ANKRD44: variants seen among roughly 807,000 people sequenced by gnomAD.
ANKRD44 encodes ankyrin repeat domain 44, also known as serine/threonine-protein phosphatase 6 regulatory ankyrin repeat subunit B.
In ANKRD44, 35 loss-of-function variants were observed where a neutral mutation model predicts 116.0. That is an observed-to-expected ratio of 0.30 (90% CI 0.23 to 0.40). The LOEUF (loss-of-function observed/expected upper bound fraction) is 0.40, where lower values mean the gene tolerates loss of function less well. Among genes scored for constraint, ANKRD44 ranks in the 10% least tolerant of loss-of-function variants. The pLI is 1.00. For synonymous variants in ANKRD44, 435 were observed against 461.8 expected, an observed-to-expected ratio of 0.94 and a Z score of 0.74; for missense variants, 1,014 against 1,242.6, an observed-to-expected ratio of 0.82 and a Z score of 2.77.
intron 17 of ANKRD44, among the ~76,000 whole-genome samples, chr2:197,021,348 T>C (rs946179610): frequency 2.0e-5 from 3 of 152,230 alleles, no homozygotes; most frequent in African/African-American, 7.2e-5. Flanking sequence ...ATGGTATTTC[T>C]AGTTCTAGAT....
chr2:197,202,601 C>T (rs1446301817), intron 1 of ANKRD44, among the ~76,000 whole-genome samples: 2 of 151,310 alleles, frequency 1.3e-5, no homozygotes, highest in Non-Finnish European at 2.9e-5. Flanking sequence ...AAGATAGGGT[C>T]TTGCTCTGTC....
intron 2 of ANKRD44, among the ~76,000 whole-genome samples, chr2:197,161,057 C>T (rs77806488): frequency 0.04 from 6,095 of 152,222 alleles, 149 homozygotes; most frequent in Middle Eastern, 0.075. Context: ...TTCTTCTATG[C>T]CCTTTCTAAA....
intron 16 of ANKRD44, among the ~76,000 whole-genome samples, chr2:197,034,050 T>TAGAGACAGAGAG (rs2076759652): frequency 9.0e-6 from 1 of 110,578 alleles, no homozygotes; most frequent in African/African-American, 3.5e-5. Context: ...ATATGAGGGC[T>TAGAGACAGAGAG]AGAGAGAGAG....
chr2:197,155,209 T>C (rs1351087749), intron 2 of ANKRD44, among the ~76,000 whole-genome samples: 1 of 152,200 alleles, frequency 6.6e-6, no homozygotes, highest in Non-Finnish European at 1.5e-5. Flanking sequence ...AACAATACTG[T>C]GAAGTAAATA....
intron 16 of ANKRD44, among the ~76,000 whole-genome samples, chr2:197,069,562 A>C (rs1262648434): frequency 6.6e-6 from 1 of 152,164 alleles, no homozygotes; most frequent in African/African-American, 2.4e-5. Flanking sequence ...CATTGTGCCT[A>C]TCACTCTGCC....
At chr2:197,047,071 TG>T (rs2077015701) in intron 16 of ANKRD44, among the ~76,000 whole-genome samples, 1 of 151,646 alleles carries the variant, frequency 6.6e-6, no homozygotes, top group South Asian at 2.1e-4. Flanking sequence ...CACGCTAGAG[TG>T]CAATGGCGCA....
intron 21 of ANKRD44, among the ~76,000 whole-genome samples, chr2:196,978,899 T>A (rs548354082): frequency 0.014 from 1,935 of 142,044 alleles, 18 homozygotes; most frequent in South Asian, 0.042. Context: ...GATATTGTTT[T>A]AAAAAAAAAA....
intron 10 of ANKRD44, among the ~76,000 whole-genome samples, chr2:197,090,355 T>G (rs1364428321): frequency 6.6e-6 from 1 of 152,216 alleles, no homozygotes. Flanking sequence ...GCTTGGTGAT[T>G]GTATGTCTCA....
chr2:197,274,120 A>ATGAT (rs1286336194), intron 1 of ANKRD44, among the ~76,000 whole-genome samples: 1 of 150,768 alleles, frequency 6.6e-6, no homozygotes, highest in Non-Finnish European at 1.5e-5. Flanking sequence ...GAATGAATGA[A>ATGAT]TGAGAACTGT....
At chr2:197,283,642 C>T (rs965542235) in intron 1 of ANKRD44, among the ~76,000 whole-genome samples, 1 of 151,958 alleles carries the variant, frequency 6.6e-6, no homozygotes, top group African/African-American at 2.4e-5. Context: ...GTTAAATATA[C>T]ACTTCAATAA....
At chr2:196,967,517 T>G in intron 21 of ANKRD44, 1 of 429,006 alleles carries the variant, frequency 2.3e-6, no homozygotes, top group Non-Finnish European at 5.0e-6. Context: ...CATTTTTCGG[T>G]AAAAAAGAAA....
chr2:197,037,422 G>A (rs2076828504), intron 16 of ANKRD44, among the ~76,000 whole-genome samples: 1 of 152,096 alleles, frequency 6.6e-6, no homozygotes, highest in African/African-American at 2.4e-5. Flanking sequence ...TTACTTCATG[G>A]CCATTAAACT....
intron 1 of ANKRD44, among the ~76,000 whole-genome samples, chr2:197,255,804 C>T (rs1219915701): frequency 6.6e-6 from 1 of 152,222 alleles, no homozygotes; most frequent in African/African-American, 2.4e-5. Flanking sequence ...AAGGCAACGA[C>T]GCTCCTGGAG....
At chr2:197,293,071 A>C (rs1407659530) in intron 1 of ANKRD44, among the ~76,000 whole-genome samples, 3 of 152,202 alleles carry the variant, frequency 2.0e-5, no homozygotes, top group African/African-American at 7.2e-5. Flanking sequence ...GCAATATTTT[A>C]TATCACCAAT....
At chr2:197,091,484 G>A (rs1378689316) in intron 10 of ANKRD44, among the ~76,000 whole-genome samples, 2 of 152,194 alleles carry the variant, frequency 1.3e-5, no homozygotes, top group Non-Finnish European at 2.9e-5. Flanking sequence ...CTCCTGAGTA[G>A]CTCGGACCAC....
intron 1 of ANKRD44, among the ~76,000 whole-genome samples, chr2:197,225,408 A>ACC (rs2081682098): frequency 6.6e-6 from 1 of 152,112 alleles, no homozygotes; most frequent in East Asian, 1.9e-4. Flanking sequence ...CAGTGGCGCA[A>ACC]TCTCAGCTTA....
At chr2:197,165,493 T>C (rs902474470) in intron 2 of ANKRD44, among the ~76,000 whole-genome samples, 2 of 152,322 alleles carry the variant, frequency 1.3e-5, no homozygotes, top group Middle Eastern at 3.4e-3. Context: ...AAGAAGTGTC[T>C]CTGATCTCAG....
At chr2:197,172,263 A>T (rs1027013011) in intron 2 of ANKRD44, among the ~76,000 whole-genome samples, 1 of 152,064 alleles carries the variant, frequency 6.6e-6, no homozygotes, top group Non-Finnish European at 1.5e-5. Context: ...TGGCCTCCCA[A>T]AGTGTTGGGA....
intron 1 of ANKRD44, among the ~76,000 whole-genome samples, chr2:197,214,163 T>A (rs1559155746): frequency 6.6e-6 from 1 of 152,218 alleles, no homozygotes; most frequent in East Asian, 1.9e-4. Flanking sequence ...CAAAGATTTA[T>A]GTTCAGGGTG....
Sources: allele counts gnomAD v4.1 joint callset (sites outside exome capture counted in the v4.1 genomes callset), GRCh38; gene constraint gnomAD v4.1.1; transcripts MANE v1.5; gene names NCBI Gene and HGNC (gene_info 2026-07-23, HGNC 2026-07-21).